Variants in GCNT1 observed in about 807,000 individuals in gnomAD.
GCNT1 encodes glucosaminyl (N-acetyl) transferase 1.
GCNT1 carries 16 observed loss-of-function variants against 26.2 expected under a neutral mutation model. That is an observed-to-expected ratio of 0.61 (90% CI 0.41 to 0.93). GCNT1 has a LOEUF of 0.93. Ranked by LOEUF, GCNT1 falls within the 40% of genes least tolerant of loss-of-function variation. The pLI, the probability that GCNT1 is intolerant of heterozygous loss-of-function variation, is 0.00. For synonymous variants in GCNT1, 183 were observed against 190.8 expected (o/e 0.96, Z 0.34); for missense variants, 477 against 526.7 (o/e 0.91, Z 0.92).
chr9:76,430,069 A>C (rs1353062552), intron 1 of GCNT1, among the ~76,000 whole-genome samples: 1 of 152,192 alleles, frequency 6.6e-6, no homozygotes, highest in Non-Finnish European at 1.5e-5. Context: ...AGCAAGGCAC[A>C]TGACCAAGCT....
chr9:76,498,963 T>C (rs368150419), intron 2 of GCNT1, among the ~76,000 whole-genome samples: 100 of 152,218 alleles, frequency 6.6e-4, no homozygotes, highest in African/African-American at 2.3e-3. Flanking sequence ...TTTTTTCATG[T>C]GGATTTGAGT....
At chr9:76,467,470 A>G (rs751696804) in intron 2 of GCNT1, among the ~76,000 whole-genome samples, 1 of 151,910 alleles carries the variant, frequency 6.6e-6, no homozygotes, top group African/African-American at 2.4e-5. Context: ...TTGGCTATAC[A>G]TTAGGAACAC....
At chr9:76,412,648 T>G in the GCNT1 span, among the ~76,000 whole-genome samples, 3 of 152,186 alleles carry the variant, frequency 2.0e-5, no homozygotes, top group African/African-American at 7.2e-5. Context: ...TGAACACAGG[T>G]TTAATTTTCT....
At chr9:76,437,387 C>T (rs1435778175), upstream of GCNT1, among the ~76,000 whole-genome samples, 6 of 152,094 alleles carry the variant, frequency 3.9e-5, no homozygotes, top group African/African-American at 7.2e-5. Flanking sequence ...GCAATGAGAG[C>T]GACCTCTGAT....
At chr9:76,409,013 G>T in the GCNT1 span, among the ~76,000 whole-genome samples, 1 of 152,116 alleles carries the variant, frequency 6.6e-6, no homozygotes, top group Non-Finnish European at 1.5e-5. Context: ...TTCTGAAAGA[G>T]ATTATAGAAA....
intron 2 of GCNT1, among the ~76,000 whole-genome samples, chr9:76,469,211 G>T (rs1188000866): frequency 1.3e-5 from 2 of 152,170 alleles, no homozygotes; most frequent in East Asian, 1.9e-4. Flanking sequence ...TATGATACAT[G>T]TAATTTATTA....
chr9:76,404,143 G>A, the GCNT1 span, among the ~76,000 whole-genome samples: 2 of 152,190 alleles, frequency 1.3e-5, no homozygotes, highest in African/African-American at 4.8e-5. Flanking sequence ...CCTTTGGAAT[G>A]TGACCGTGAT....
At chr9:76,406,022 G>A in the GCNT1 span, among the ~76,000 whole-genome samples, 1 of 152,222 alleles carries the variant, frequency 6.6e-6, no homozygotes, top group African/African-American at 2.4e-5. Flanking sequence ...ATTAAGGAGA[G>A]CTCCTGTTGC....
Position 76,503,720 on chromosome 9 carries a change from T to C in GCNT1, c.*52T>C. 1 of 1,401,598 alleles carries C rather than the reference T, an allele frequency of 7.1e-7. No homozygotes were observed. 86.8% of individuals were successfully genotyped at this position (1,401,598 alleles called of 1,614,324 possible). On this transcript the variant is annotated 3_prime_UTR_variant, in exon 4 of 4. Transcript: ENST00000376730. The stretch of plus-strand genomic sequence containing the variant: ...AAGAAGGATACACAAAACGTACCCT[T>C]ATCTGTTTCCCCTTCCTTGTCAGCA...
the GCNT1 span, chr9:76,394,313 C>T: frequency 2.9e-5 from 21 of 714,074 alleles, 1 homozygote; most frequent in Middle Eastern, 8.0e-4. Context: ...AGTGGCCGGA[C>T]GACGCCGACC....
At chr9:76,426,402 C>A (rs550447056) in intron 1 of GCNT1, among the ~76,000 whole-genome samples, 2 of 151,798 alleles carry the variant, frequency 1.3e-5, no homozygotes, top group Non-Finnish European at 2.9e-5. Flanking sequence ...GCCCTGTCTT[C>A]GCAAAAAATA....
chr9:76,478,937 C>G (rs1489718263), intron 2 of GCNT1, among the ~76,000 whole-genome samples: 3 of 152,126 alleles, frequency 2.0e-5, no homozygotes, highest in Non-Finnish European at 4.4e-5. Flanking sequence ...ATACATGTGC[C>G]ATGTTGGTGG....
At chr9:76,500,773 A>G (rs978236249) in intron 2 of GCNT1, 143 bp from the exon 3 acceptor site, 4 of 152,360 alleles carry the variant, frequency 2.6e-5, no homozygotes, top group East Asian at 1.9e-4. Flanking sequence ...AGAGAGAAGG[A>G]AATTTTAAAA....
At chr9:76,499,258 G>C (rs773507182) in intron 2 of GCNT1, among the ~76,000 whole-genome samples, 1 of 152,000 alleles carries the variant, frequency 6.6e-6, no homozygotes, top group Non-Finnish European at 1.5e-5. Context: ...CTCTCAATTA[G>C]CTGGGATTAC....
intron 1 of GCNT1, among the ~76,000 whole-genome samples, chr9:76,446,883 A>G (rs981319774): frequency 2.6e-5 from 4 of 152,132 alleles, no homozygotes; most frequent in African/African-American, 9.7e-5. Flanking sequence ...GGCTGGGCAC[A>G]GTGGCTCATG....
intron 2 of GCNT1, among the ~76,000 whole-genome samples, chr9:76,469,216 T>A (rs1014899530): frequency 6.6e-6 from 1 of 152,174 alleles, no homozygotes; most frequent in Non-Finnish European, 1.5e-5. Flanking sequence ...TACATGTAAT[T>A]TATTAGTACA....
At chr9:76,398,130 T>A in the GCNT1 span, among the ~76,000 whole-genome samples, 2 of 151,868 alleles carry the variant, frequency 1.3e-5, no homozygotes, top group African/African-American at 2.4e-5. Flanking sequence ...TTAATTTGTC[T>A]CTGTAGAAAG....
chr9:76,482,139 G>T (rs995463551), intron 2 of GCNT1, among the ~76,000 whole-genome samples: 1 of 152,072 alleles, frequency 6.6e-6, no homozygotes, highest in African/African-American at 2.4e-5. Context: ...CAAAAAGACA[G>T]TGCCTCACTT....
At chr9:76,485,794 C>T (rs1234024962) in intron 2 of GCNT1, among the ~76,000 whole-genome samples, 1 of 151,682 alleles carries the variant, frequency 6.6e-6, no homozygotes, top group African/African-American at 2.4e-5. Context: ...AGTGCAGTGG[C>T]TCAGTCTCAC....
Sources: gnomAD v4.1 joint callset for allele counts (sites outside exome capture counted in the v4.1 genomes callset) on GRCh38, gnomAD v4.1.1 for gene constraint, MANE v1.5 for transcripts, NCBI Gene and HGNC (gene_info 2026-07-23, HGNC 2026-07-21) for gene names.